The following MAGI2 variants were observed in gnomAD, a reference collection of about 807,000 sequenced individuals.
MAGI2 encodes the protein membrane-associated guanylate kinase, WW and PDZ domain-containing protein 2.
MAGI2 carries 35 observed loss-of-function variants against 133.3 expected under a neutral mutation model. The ratio of observed to expected loss-of-function variants is 0.26; its 90% confidence interval spans 0.20 to 0.35. The LOEUF is 0.35. Among genes scored for constraint, MAGI2 ranks in the 10% least tolerant of loss-of-function variants. MAGI2 has a pLI of 1.00. For synonymous variants in MAGI2, 729 were observed against 710.6 expected (o/e 1.03, Z -0.41); for missense variants, 1,636 against 1,863.4 (o/e 0.88, Z 2.25).
chr7:79,386,579 A>G (rs1844197255), intron 1 of MAGI2, among the ~76,000 whole-genome samples: 1 of 152,098 alleles, frequency 6.6e-6, no homozygotes, highest in African/African-American at 2.4e-5. Context: ...GGAATAGCCA[A>G]GCTATAGTTA....
At chr7:78,673,755 A>C (rs1814677089) in intron 2 of MAGI2, among the ~76,000 whole-genome samples, 1 of 152,074 alleles carries the variant, frequency 6.6e-6, no homozygotes, top group Admixed American at 6.6e-5. Context: ...CCAAATGTTA[A>C]TCTCATCCAA....
chr7:78,180,024 A>G (rs911953321), intron 13 of MAGI2, among the ~76,000 whole-genome samples: 1 of 152,332 alleles, frequency 6.6e-6, no homozygotes. Context: ...GATGACAGAT[A>G]TTGCTCAATC....
intron 20 of MAGI2, among the ~76,000 whole-genome samples, chr7:78,082,472 C>G (rs1816088888): frequency 6.6e-6 from 1 of 152,122 alleles, no homozygotes. Flanking sequence ...ACCTCTTCAC[C>G]TGGCAGATTT....
At chr7:78,401,589 T>C (rs1348807327) in intron 6 of MAGI2, among the ~76,000 whole-genome samples, 1 of 152,144 alleles carries the variant, frequency 6.6e-6, no homozygotes, top group Non-Finnish European at 1.5e-5. Flanking sequence ...TTCAGAAGTT[T>C]TGATAGTCTC....
chr7:78,056,249 T>C (rs1812551128), intron 21 of MAGI2, among the ~76,000 whole-genome samples: 1 of 152,184 alleles, frequency 6.6e-6, no homozygotes. Context: ...GATGACAGGA[T>C]TTCCTTCTTT....
chr7:78,065,783 A>G, intron 21 of MAGI2: 1 of 457,120 alleles, frequency 2.2e-6, no homozygotes, highest in Non-Finnish European at 3.8e-6. Flanking sequence ...TTGAATAAAA[A>G]TTATCTAGGC....
rs570719323 is a variant in MAGI2, at chr7:78,907,432, C to T, written c.418+99658G>A. On this transcript the variant is annotated intron_variant, in intron 2 of 21. Coordinates refer to ENST00000354212, the MANE Select transcript of MAGI2 (RefSeq NM_012301.4). ...TATTGGGTTTCATATCTTTTCCTAA[C>T]TTGGATTAAAATCTGGGTGGTGAAT... 7.9e-5 allele frequency among the ~76,000 whole-genome samples: 12 copies of T among 152,210 alleles called. No homozygotes were observed. In the East Asian group the frequency reaches 2.3e-3, roughly 29 times the overall value.
chr7:79,199,269 GA>G lies in MAGI2; in HGVS notation c.302-192064del, dbSNP rs201821754. Among the ~76,000 whole-genome samples the G allele has an allele frequency of 7.6e-3, 1,164 of 152,172 alleles. 21 individuals carry two copies. Among genetic ancestry groups the G allele is most frequent in the African/African-American group, 0.026 (1,093 of 41,428 alleles). On this transcript the variant is annotated intron_variant, in intron 1 of 21. Coordinates refer to ENST00000354212, the MANE Select transcript of MAGI2 (RefSeq NM_012301.4). ...TGATAGTGGCTGCATTTGGAGGGCA[GA>G]AGGTGGCTTTCTAACTTATTTTGAA...
intron 6 of MAGI2, among the ~76,000 whole-genome samples, chr7:78,412,929 T>C (rs959886167): frequency 3.3e-5 from 5 of 152,092 alleles, no homozygotes; most frequent in Non-Finnish European, 5.9e-5. Flanking sequence ...TTCCGAAAGG[T>C]GGCTAACCAC....
At chr7:78,203,987 A>G (rs1829503255) in intron 10 of MAGI2, among the ~76,000 whole-genome samples, 1 of 152,216 alleles carries the variant, frequency 6.6e-6, no homozygotes, top group Admixed American at 6.5e-5. Flanking sequence ...AAAATTAAAA[A>G]GCACTAAAAA....
intron 2 of MAGI2, among the ~76,000 whole-genome samples, chr7:78,900,038 C>A (rs1427064785): frequency 6.6e-6 from 1 of 152,102 alleles, no homozygotes; most frequent in Non-Finnish European, 1.5e-5. Flanking sequence ...GTGAAAGGGA[C>A]CCAAATCCTT....
intron 2 of MAGI2, among the ~76,000 whole-genome samples, chr7:78,671,280 T>C (rs321984): frequency 0.39 from 18,584 of 47,656 alleles, 1,435 homozygotes; most frequent in East Asian, 0.59. Flanking sequence ...TCTCTCTCTC[T>C]CTTTTTTTTT....
chr7:79,368,161 C>A (rs1417548701), intron 1 of MAGI2, among the ~76,000 whole-genome samples: 1 of 151,886 alleles, frequency 6.6e-6, no homozygotes. Context: ...CCTGAGAGTC[C>A]TTTTCATCAT....
chr7:79,049,286 C>T (rs1812465219), intron 1 of MAGI2, among the ~76,000 whole-genome samples: 1 of 151,460 alleles, frequency 6.6e-6, no homozygotes. Context: ...CTTTTTTTTC[C>T]CCCTGCCATC....
intron 2 of MAGI2, among the ~76,000 whole-genome samples, chr7:78,738,613 G>A (rs558323948): frequency 1.1e-4 from 16 of 152,278 alleles, no homozygotes; most frequent in Admixed American, 5.2e-4. Context: ...ATTAAGGATG[G>A]TGTAATGAAT....
At chr7:79,265,965 C>A (rs1585374499) in intron 1 of MAGI2, among the ~76,000 whole-genome samples, 1 of 152,022 alleles carries the variant, frequency 6.6e-6, no homozygotes, top group African/African-American at 2.4e-5. Flanking sequence ...TTTTACTTAT[C>A]AATAATAACT....
chr7:78,971,823 A>G (rs1803815048), intron 2 of MAGI2, among the ~76,000 whole-genome samples: 1 of 152,010 alleles, frequency 6.6e-6, no homozygotes, highest in Admixed American at 6.6e-5. Context: ...AGGCTAGATG[A>G]GAAAATTCAT....
intron 9 of MAGI2, among the ~76,000 whole-genome samples, chr7:78,335,102 G>A (rs1486655529): frequency 1.3e-5 from 2 of 152,122 alleles, no homozygotes; most frequent in East Asian, 3.9e-4. Context: ...GAGACCATCT[G>A]GTCTGCAAAA....
At chr7:78,224,665 C>T (rs1789180065) in intron 10 of MAGI2, among the ~76,000 whole-genome samples, 1 of 108,848 alleles carries the variant, frequency 9.2e-6, no homozygotes, top group South Asian at 3.1e-4. Context: ...GACTCTGTCT[C>T]AACAACAACA....
Sources: gnomAD v4.1 joint callset for allele counts (sites outside exome capture counted in the v4.1 genomes callset) on GRCh38, gnomAD v4.1.1 for gene constraint, MANE v1.5 for transcripts, NCBI Gene and HGNC (gene_info 2026-07-23, HGNC 2026-07-21) for gene names.